The following PDCD1LG2 variants were observed in gnomAD, a reference collection of about 807,000 sequenced individuals.
PDCD1LG2 encodes B7 dendritic cell molecule.
A neutral mutation model predicts 28.2 loss-of-function variants in PDCD1LG2; 32 were observed. The observed-to-expected ratio is 1.13, with a 90% confidence interval of 0.86 to 1.52. The LOEUF (loss-of-function observed/expected upper bound fraction) is 1.52, where lower values mean the gene tolerates loss of function less well. PDCD1LG2 is among the 40% of genes most tolerant of loss of function. The pLI is 0.00. For missense variants in PDCD1LG2, 385 were observed against 323.8 expected, an observed-to-expected ratio of 1.19 and a Z score of -1.45; for synonymous variants, 116 against 120.2, an observed-to-expected ratio of 0.97 and a Z score of 0.23.
At chr9:5,542,165 T>A (rs1336330954) in intron 3 of PDCD1LG2, among the ~76,000 whole-genome samples, 3 of 152,142 alleles carry the variant, frequency 2.0e-5, no homozygotes, top group African/African-American at 4.8e-5. Context: ...ATATCTTACC[T>A]TATAAAAAAT....
intron 4 of PDCD1LG2, among the ~76,000 whole-genome samples, chr9:5,552,845 T>C (rs1816364147): frequency 6.6e-6 from 1 of 152,136 alleles, no homozygotes; most frequent in Non-Finnish European, 1.5e-5. Context: ...CTATCCACAA[T>C]TTACTACCCA....
At position 5,535,200 on chromosome 9, in the gene PDCD1LG2, C is replaced by A. The variant is rs530960054; in HGVS notation, c.361+150C>A. The stretch of plus-strand genomic sequence containing the variant: ...TTCAGAGAAAATGAAAGCATCTGCT[C>A]GGAAATAATTTTTGACATCTGAGTA... On this transcript the variant is annotated intron_variant, in intron 3 of 6. Transcript: ENST00000397747. 9 of 747,594 alleles carry A rather than the reference C, an allele frequency of 1.2e-5. No homozygotes were observed. In the Admixed American group the frequency reaches 1.5e-4, roughly 13 times the overall value. The allele number at this position is 747,594 out of a possible 1,614,324, so 46.3% of individuals were successfully genotyped here.
intron 2 of PDCD1LG2, among the ~76,000 whole-genome samples, chr9:5,523,693 G>A (rs1481949279): frequency 6.6e-6 from 1 of 152,188 alleles, no homozygotes; most frequent in Non-Finnish European, 1.5e-5. Context: ...AAGCAAAAGG[G>A]GCAATAACTT....
intron 2 of PDCD1LG2, among the ~76,000 whole-genome samples, chr9:5,524,475 A>G (rs1026912327): frequency 6.6e-6 from 1 of 152,234 alleles, no homozygotes; most frequent in Non-Finnish European, 1.5e-5. Flanking sequence ...ACGAATTTGG[A>G]ATTCTTTTCT....
chr9:5,525,419 T>C (rs1820355228), intron 2 of PDCD1LG2, among the ~76,000 whole-genome samples: 1 of 151,108 alleles, frequency 6.6e-6, no homozygotes, highest in Admixed American at 6.6e-5. Flanking sequence ...ACAATCCATA[T>C]GCCCTGGAGA....
intron 2 of PDCD1LG2, among the ~76,000 whole-genome samples, chr9:5,534,181 C>A (rs534988276): frequency 3.3e-5 from 5 of 152,108 alleles, no homozygotes; most frequent in African/African-American, 1.2e-4. Context: ...GAGTGTCTGA[C>A]AATTGTAAGA....
chr9:5,515,853 G>T (rs1366631826), intron 1 of PDCD1LG2, among the ~76,000 whole-genome samples: 1 of 146,016 alleles, frequency 6.8e-6, no homozygotes, highest in Non-Finnish European at 1.5e-5. Context: ...AACCCGGGAG[G>T]CGGAGGATGC....
intron 1 of PDCD1LG2, among the ~76,000 whole-genome samples, chr9:5,514,323 A>G (rs1174005371): frequency 6.6e-6 from 1 of 152,200 alleles, no homozygotes. Flanking sequence ...CACCACAATT[A>G]TTTGTATTTC....
chr9:5,522,173 GACAA>G (rs34804819), intron 1 of PDCD1LG2, among the ~76,000 whole-genome samples: 15,611 of 152,122 alleles, frequency 0.1, 1,093 homozygotes, highest in East Asian at 0.3. Flanking sequence ...TTATTCATTT[GACAA>G]ACAAAGTTGG....
chr9:5,559,419 C>A (rs544745164), intron 5 of PDCD1LG2, among the ~76,000 whole-genome samples: 1 of 152,236 alleles, frequency 6.6e-6, no homozygotes, highest in Non-Finnish European at 1.5e-5. Flanking sequence ...AACTTGTGTG[C>A]CATGGAAAAG....
At chr9:5,539,447 C>T (rs1330712733) in intron 3 of PDCD1LG2, among the ~76,000 whole-genome samples, 4 of 152,148 alleles carry the variant, frequency 2.6e-5, no homozygotes, top group African/African-American at 4.8e-5. Context: ...TTTATAGCAC[C>T]TTCGTTGATG....
intron 4 of PDCD1LG2, among the ~76,000 whole-genome samples, chr9:5,553,085 C>G (rs1816369670): frequency 6.6e-6 from 1 of 152,012 alleles, no homozygotes; most frequent in African/African-American, 2.4e-5. Flanking sequence ...CCACTCCAGC[C>G]TGGGCAACCG....
At chr9:5,534,713 G>C (rs1820546416) in intron 2 of PDCD1LG2, 32 bp from the exon 3 acceptor site, 3 of 1,555,770 alleles carry the variant, frequency 1.9e-6, no homozygotes, top group South Asian at 2.5e-5. Context: ...AGTAAAGGCA[G>C]ACAATGACAA....
rs150647457 is a variant in PDCD1LG2, at chr9:5,546,616, C to T, written c.362-2719C>T. 1.0e-3 allele frequency among the ~76,000 whole-genome samples: 156 copies of T among 152,232 alleles called. 1 individual carries two copies. The highest frequency in any genetic ancestry group is 3.5e-3 in the African/African-American group (144 of 41,536). ...ACTACTGCTGGGTGCTCCTAAGAAC[C>T]TCAGAGCATATTCCTCTATCTGCTT... On this transcript the variant is annotated intron_variant, in intron 3 of 6. Transcript: ENST00000397747.
At chr9:5,552,529 G>C (rs1816356074) in intron 4 of PDCD1LG2, among the ~76,000 whole-genome samples, 1 of 152,178 alleles carries the variant, frequency 6.6e-6, no homozygotes, top group African/African-American at 2.4e-5. Flanking sequence ...ACATGCTTGA[G>C]GAGGTTGTCA....
At chr9:5,556,660 G>C (rs769057102) in intron 4 of PDCD1LG2, among the ~76,000 whole-genome samples, 10 of 152,164 alleles carry the variant, frequency 6.6e-5, no homozygotes, top group Non-Finnish European at 1.5e-4. Flanking sequence ...GGGAAGTTGG[G>C]AGGACTGAGC....
chr9:5,526,098 C>T (rs1050296072), intron 2 of PDCD1LG2, among the ~76,000 whole-genome samples: 1 of 150,934 alleles, frequency 6.6e-6, no homozygotes. Context: ...ATATTCAGGA[C>T]GCCAGTTACC....
rs1820547180 is a variant in PDCD1LG2, at chr9:5,534,749, A to G, written c.60A>G (p.Leu20=). The change falls in exon 3 of 7, where the codon TTA becomes TTG. Residue 20 remains leucine, a synonymous_variant. Coordinates refer to ENST00000397747, the MANE Select transcript of PDCD1LG2 (RefSeq NM_025239.4). ...AATATCTTGTTTTCTTTTCAGCTTTATTCACAGTGACAGTCCCTAAGGAAC... is the reference window on the plus strand; with the variant it reads ...AATATCTTGTTTTCTTTTCAGCTTTGTTCACAGTGACAGTCCCTAAGGAAC... ...LELQLHQIAA[L]FTVTVPKELY... is the part of the protein sequence containing the mutation. 6.3e-7 allele frequency: 1 copy of G among 1,595,120 alleles called. No individual in the cohort carries two copies. Among genetic ancestry groups the G allele is most frequent in the East Asian group, 2.2e-5 (1 of 44,562 alleles).
chr9:5,519,391 C>G (rs921979695), intron 1 of PDCD1LG2, among the ~76,000 whole-genome samples: 2 of 152,072 alleles, frequency 1.3e-5, no homozygotes, highest in South Asian at 2.1e-4. Context: ...ATTGGCTAAC[C>G]CTGGGAGCGG....
Sources: allele counts gnomAD v4.1 joint callset (sites outside exome capture counted in the v4.1 genomes callset), GRCh38; gene constraint gnomAD v4.1.1; transcripts MANE v1.5; gene names NCBI Gene and HGNC (gene_info 2026-07-23, HGNC 2026-07-21).